THAP9: variants seen among roughly 807,000 people sequenced by gnomAD.
THAP9 encodes THAP domain containing 9, also known as DNA transposase THAP9.
A neutral mutation model predicts 35.7 loss-of-function variants in THAP9; 20 were observed. That is an observed-to-expected ratio of 0.56 (90% CI 0.39 to 0.81). The LOEUF (loss-of-function observed/expected upper bound fraction) is 0.81, where lower values mean the gene tolerates loss of function less well. Among genes scored for constraint, THAP9 ranks in the 40% least tolerant of loss-of-function variants. The probability of loss-of-function intolerance (pLI) is 0.00; values close to 1 mark genes in which losing one functional copy is unlikely to be tolerated. For missense variants in THAP9, 870 were observed against 1,047.4 expected (o/e 0.83, Z 2.34); for synonymous variants, 335 against 373.7 (o/e 0.90, Z 1.19).
intron 1 of THAP9, 91 bp from the exon 2 acceptor site, chr4:82,904,645 G>A: frequency 8.5e-7 from 1 of 1,176,844 alleles, no homozygotes; most frequent in South Asian, 1.6e-5. Flanking sequence ...CTATAAAGCA[G>A]TAAAATAATA....
At chr4:82,911,125 T>C (rs1720850229) in intron 4 of THAP9, among the ~76,000 whole-genome samples, 1 of 152,090 alleles carries the variant, frequency 6.6e-6, no homozygotes, top group South Asian at 2.1e-4. Flanking sequence ...AAATTGGCGA[T>C]GTATAAGAGA....
Position 82,918,824 on chromosome 4 carries a change from A to G in THAP9, c.2612A>G (p.Lys871Arg), listed in dbSNP as rs1267370509. The G allele has an allele frequency of 6.2e-7, 1 of 1,613,830 alleles. No homozygotes were observed. Among genetic ancestry groups the G allele is most frequent in the Admixed American group, 1.7e-5 (1 of 60,020 alleles). The change falls in exon 5 of 5, where the codon AAA becomes AGA. Residue 871 changes from lysine (K) to arginine (R), a missense_variant. By Grantham distance (26) the Lys-to-Arg change is conservative (BLOSUM62 2). This residue lies in a region of THAP9 where 414 missense variants were observed against 500.8 expected (regional missense o/e 0.83). Transcript: ENST00000302236. ...ACTGATATGAAAACTTTATCAAGGA[A>G]ACACTGGTCATCTGTACAGGATTAT... ...ERTDMKTLSRKHWSSVQDYKC... is the reference protein window; with the variant it reads ...ERTDMKTLSRRHWSSVQDYKC...
At chr4:82,915,756 C>T (rs971050247) in intron 4 of THAP9, among the ~76,000 whole-genome samples, 1 of 152,046 alleles carries the variant, frequency 6.6e-6, no homozygotes, top group Non-Finnish European at 1.5e-5. Context: ...GTAGACAGTC[C>T]TGCAGAACCT....
At position 82,917,453 on chromosome 4, in the gene THAP9, A is replaced by T; in HGVS notation, c.1241A>T (p.Asp414Val). 1 of 1,613,768 alleles carries T rather than the reference A, an allele frequency of 6.2e-7. No individual in the cohort carries two copies. Among genetic ancestry groups the T allele is most frequent in the Non-Finnish European group, 8.5e-7 (1 of 1,179,864 alleles). ...AGTCAACAGATTGCATACTTCTTTGACTCTTGCCACTTGCTAAGATTAATA... is the reference window on the plus strand; with the variant it reads ...AGTCAACAGATTGCATACTTCTTTGTCTCTTGCCACTTGCTAAGATTAATA... ...SSSQQIAYFFDSCHLLRLIRN... is the reference protein window; with the variant it reads ...SSSQQIAYFFVSCHLLRLIRN... The change falls in exon 5 of 5, where the codon GAC (aspartate) becomes GTC (valine). Residue 414 changes from aspartate (D) to valine (V), a missense_variant. Transcript: ENST00000302236.
At chr4:82,904,701 T>G in intron 1 of THAP9, 35 bp from the exon 2 acceptor site, 1 of 1,597,528 alleles carries the variant, frequency 6.3e-7, no homozygotes, top group Non-Finnish European at 8.6e-7. Flanking sequence ...CTATAATGTT[T>G]TCATGTTAAT....
chr4:82,914,923 C>A (rs1377596171), intron 4 of THAP9, among the ~76,000 whole-genome samples: 1 of 152,114 alleles, frequency 6.6e-6, no homozygotes. Flanking sequence ...CGGTTGCCTT[C>A]CAGGGTTTTT....
rs971572863 is a variant in THAP9, at chr4:82,919,897, T to C, written c.*973T>C. On this transcript the variant is annotated 3_prime_UTR_variant, in exon 5 of 5. Transcript: ENST00000302236. ...GTTCCCAAAGTACAGTTAATCCTAATATGAAAACTTAGAATTGTAAAAGAT... is the reference window on the plus strand; with the variant it reads ...GTTCCCAAAGTACAGTTAATCCTAACATGAAAACTTAGAATTGTAAAAGAT... 1 of 152,198 alleles carries C rather than the reference T, an allele frequency of 6.6e-6. No homozygotes were observed. Among genetic ancestry groups the C allele is most frequent in the Non-Finnish European group, 1.5e-5 (1 of 68,016 alleles). The allele number at this position is 152,198 out of a possible 1,614,324, so 9.4% of individuals were successfully genotyped here.
At chr4:82,904,058 CTTTTTTTTTT>C (rs59655406) in intron 1 of THAP9, among the ~76,000 whole-genome samples, 1 of 82,210 alleles carries the variant, frequency 1.2e-5, no homozygotes, top group African/African-American at 4.7e-5. Context: ...TAGGCTCCCC[CTTTTTTTTTT>C]TTTTTTTTTT....
At chr4:82,913,988 C>T (rs777836827) in intron 4 of THAP9, among the ~76,000 whole-genome samples, 2 of 152,104 alleles carry the variant, frequency 1.3e-5, no homozygotes, top group Non-Finnish European at 2.9e-5. Flanking sequence ...CTGCCTCCCT[C>T]GGCCTCCCAA....
intron 1 of THAP9, 140 bp from the exon 2 acceptor site, chr4:82,904,596 T>C (rs1432325712): frequency 1.3e-6 from 1 of 768,016 alleles, no homozygotes; most frequent in Non-Finnish European, 2.0e-6. Context: ...AAAAATGAAC[T>C]AAGTAAATTA....
At chr4:82,901,016 G>A (rs1273650714) in intron 1 of THAP9, 134 bp downstream of exon 1, 4 of 1,096,204 alleles carry the variant, frequency 3.6e-6, no homozygotes, top group East Asian at 2.6e-5. Flanking sequence ...GCGCAGCGTC[G>A]GGGCGTGGGA....
chr4:82,915,739 AAGTCCTGTAGAC>A (rs1372417118), intron 4 of THAP9, among the ~76,000 whole-genome samples: 1 of 152,140 alleles, frequency 6.6e-6, no homozygotes, highest in Non-Finnish European at 1.5e-5. Flanking sequence ...ATGTATATAC[AAGTCCTGTAGAC>A]AGTCCTGCAG....
At chr4:82,900,914 A>G in intron 1 of THAP9, 32 bp downstream of exon 1, 1 of 1,610,236 alleles carries the variant, frequency 6.2e-7, no homozygotes, top group South Asian at 1.1e-5. Context: ...AAGCCTTCGA[A>G]CTCCCTGCGG....
rs763461562 is a variant in THAP9, at chr4:82,918,420, C to T, written c.2208C>T (p.Ile736=). 9 of 1,614,134 alleles carry T rather than the reference C, an allele frequency of 5.6e-6. No homozygotes were observed. The Admixed American group carries it at 1.5e-4, about 27-fold the overall frequency. Residue 736 remains isoleucine, a synonymous_variant, in exon 5 of 5, where the codon ATC becomes ATT. Coordinates refer to ENST00000302236, the MANE Select transcript of THAP9 (RefSeq NM_024672.6). ...CTCTTTTAACTTGTGAGGACTGCAT[C>T]ACTGCACTGTATGCATCGGATCTCA... ...LSALLTCEDC[I]TALYASDLKA... is the part of the protein sequence containing the mutation.
intron 1 of THAP9, among the ~76,000 whole-genome samples, chr4:82,903,067 T>G (rs1720491915): frequency 6.6e-6 from 1 of 152,194 alleles, no homozygotes; most frequent in Non-Finnish European, 1.5e-5. Flanking sequence ...GAAATAAAAT[T>G]TATACCAATC....
rs752528945 is a variant in THAP9 at position 82,917,341 on chromosome 4, G to A, written c.1129G>A (p.Ala377Thr). The change falls in exon 5 of 5, where the codon GCA becomes ACA. Residue 377 changes from alanine to threonine, a missense_variant. Physicochemically the swap from Ala to Thr is moderately conservative, Grantham distance 58 (BLOSUM62 0). Transcript: ENST00000302236. The part of the protein sequence containing the change: ...TVLAVTSDAT[A>T]HSVQMAKALG... ...TCTGGCTGTTACATCTGATGCCACA[G>A]CACATAGTGTTCAGATGGCAAAAGC... 1.2e-6 allele frequency: 2 copies of A among 1,613,510 alleles called. No homozygotes were observed. The highest frequency in any genetic ancestry group is 2.2e-5 in the South Asian group (2 of 91,080).
intron 4 of THAP9, among the ~76,000 whole-genome samples, chr4:82,911,418 C>A (rs1221698521): frequency 6.6e-6 from 1 of 151,822 alleles, no homozygotes; most frequent in Non-Finnish European, 1.5e-5. Context: ...GGTGAAACCC[C>A]ATCTCTACTA....
In THAP9 at chr4:82,919,050, A is replaced by C. The variant is rs1169426976; in HGVS notation, c.*126A>C. On this transcript the variant is annotated 3_prime_UTR_variant, in exon 5 of 5. Transcript: ENST00000302236. ...ACAAGTTTGCAATTCTGACTTATTA[A>C]AATTTCAAATTCTGCATATCACAAA... The C allele has an allele frequency of 1.3e-6, 1 of 748,032 alleles. No homozygotes were observed. Among genetic ancestry groups the C allele is most frequent in the East Asian group, 2.8e-5 (1 of 36,142 alleles). The allele number at this position is 748,032 out of a possible 1,614,324, so 46.3% of individuals were successfully genotyped here. A position where few individuals can be genotyped will look rare whatever the true frequency, so the allele number is the denominator to read the frequency against.
rs1721085047 is a variant in THAP9, at chr4:82,917,657, T to G, written c.1445T>G (p.Phe482Cys). The G allele has an allele frequency of 6.2e-7, 1 of 1,613,600 alleles. No homozygotes were observed. The highest frequency in any genetic ancestry group is 8.5e-7 in the Non-Finnish European group (1 of 1,179,714). The change falls in exon 5 of 5, where the codon TTT (phenylalanine) becomes TGT (cysteine). Residue 482 changes from phenylalanine (F) to cysteine (C), a missense_variant. Transcript: ENST00000302236. ...VLKVNSATQLFSESVASALEY... is the reference protein window; with the variant it reads ...VLKVNSATQLCSESVASALEY... Reference sequence around the variant, plus strand: ...AAAGTGAATAGTGCCACCCAACTCTTTAGTGAGAGTGTAGCCAGTGCATTA... The same window carrying G: ...AAAGTGAATAGTGCCACCCAACTCTGTAGTGAGAGTGTAGCCAGTGCATTA...
Sources: allele counts gnomAD v4.1 joint callset (sites outside exome capture counted in the v4.1 genomes callset), GRCh38; gene constraint gnomAD v4.1.1; regional missense constraint gnomAD v4.1.1; transcripts MANE v1.5; gene names NCBI Gene and HGNC (gene_info 2026-07-23, HGNC 2026-07-21).